TANC1: variants seen among roughly 807,000 people sequenced by gnomAD.
TANC1 encodes protein TANC1.
A neutral mutation model predicts 149.7 loss-of-function variants in TANC1; 77 were observed. The observed-to-expected ratio is 0.51, with a 90% confidence interval of 0.43 to 0.62. TANC1 has a LOEUF of 0.62. TANC1 is among the 20% of genes least tolerant of loss of function. The probability of loss-of-function intolerance (pLI) is 0.00; values close to 1 mark genes in which losing one functional copy is unlikely to be tolerated. For synonymous variants in TANC1, 854 were observed against 925.0 expected, an observed-to-expected ratio of 0.92 and a Z score of 1.39; for missense variants, 1,985 against 2,321.8, an observed-to-expected ratio of 0.85 and a Z score of 2.98.
intron 3 of TANC1, among the ~76,000 whole-genome samples, chr2:159,077,014 C>A (rs1330124991): frequency 8.1e-6 from 1 of 123,556 alleles, no homozygotes; most frequent in African/African-American, 3.0e-5. Context: ...ATTTTTTTTT[C>A]TTTTCCTAGA....
chr2:158,979,528 C>T (rs574751120), intron 1 of TANC1, among the ~76,000 whole-genome samples: 89 of 151,884 alleles, frequency 5.9e-4, no homozygotes, highest in Non-Finnish European at 9.7e-4. Context: ...AAAAACTTAC[C>T]GTTTTCATAA....
intron 1 of TANC1, among the ~76,000 whole-genome samples, chr2:158,976,722 A>G (rs781457428): frequency 6.6e-6 from 1 of 152,154 alleles, no homozygotes; most frequent in Non-Finnish European, 1.5e-5. Flanking sequence ...CTCTACTAAA[A>G]ATACAAAAAT....
At chr2:159,163,892 A>C (rs2054305801) in intron 8 of TANC1, among the ~76,000 whole-genome samples, 1 of 152,162 alleles carries the variant, frequency 6.6e-6, no homozygotes. Context: ...GGAATTGTTG[A>C]GTGAGTTTGT....
rs117893752 is a variant in TANC1, at chr2:159,232,467, C to T, written c.*1455C>T. The T allele has an allele frequency of 1.1e-3, 169 of 152,712 alleles. No homozygotes were observed. The highest frequency in any genetic ancestry group is 8.7e-3 in the East Asian group (45 of 5,192). The allele number at this position is 152,712 out of a possible 1,614,324, so 9.5% of individuals were successfully genotyped here. A position where few individuals can be genotyped will look rare whatever the true frequency, so the allele number is the denominator to read the frequency against. ...AGGAACCTCTGATGTCATTCTTCAA[C>T]GTTTGTTCCTGTGTGTACAATTGTA... On this transcript the variant is annotated 3_prime_UTR_variant, in exon 27 of 27. Transcript: ENST00000263635.
At chr2:159,167,257 C>G (rs1055604780) in intron 8 of TANC1, among the ~76,000 whole-genome samples, 1 of 152,186 alleles carries the variant, frequency 6.6e-6, no homozygotes, top group Non-Finnish European at 1.5e-5. Flanking sequence ...CTGCCTGCCC[C>G]TTCTACCTGT....
At chr2:159,126,119 A>T (rs528685560) in intron 4 of TANC1, among the ~76,000 whole-genome samples, 1 of 152,266 alleles carries the variant, frequency 6.6e-6, no homozygotes, top group African/African-American at 2.4e-5. Context: ...TTTGAAGGTC[A>T]TCTAATTAGT....
intron 15 of TANC1, 107 bp from the exon 16 acceptor site, chr2:159,186,795 C>A (rs756616600): frequency 6.9e-7 from 1 of 1,445,608 alleles, no homozygotes; most frequent in Non-Finnish European, 9.6e-7. Context: ...CAGGTATCTG[C>A]ACCCTCTGCG....
intron 19 of TANC1, among the ~76,000 whole-genome samples, chr2:159,215,266 A>T (rs2059270376): frequency 6.6e-6 from 1 of 152,178 alleles, no homozygotes; most frequent in African/African-American, 2.4e-5. Context: ...CACGGGAGAG[A>T]TGTGGCTACC....
rs1489087585 is a variant in TANC1 at position 159,178,614 on chromosome 2, A to G, written c.1961A>G (p.Lys654Arg). ...TCCTTAGATGACTTCCCAGACAACA[A>G]AGACATCCACAGTGACCTGCACGCC... The part of the protein sequence containing the change: ...KLSLDDFPDN[K>R]DIHSDLHAYV... Residue 654 changes from lysine to arginine, a missense_variant, in exon 14 of 27, where the codon AAA becomes AGA. By Grantham distance (26) the Lys-to-Arg change is conservative. Coordinates refer to ENST00000263635, the MANE Select transcript of TANC1 (RefSeq NM_033394.3). 1 of 1,609,818 alleles carries G rather than the reference A, an allele frequency of 6.2e-7. No homozygotes were observed. Among genetic ancestry groups the G allele is most frequent in the East Asian group, 2.2e-5 (1 of 44,866 alleles).
chr2:159,113,045 C>G (rs1482231284), intron 4 of TANC1, among the ~76,000 whole-genome samples: 1 of 152,138 alleles, frequency 6.6e-6, no homozygotes, highest in African/African-American at 2.4e-5. Flanking sequence ...ATCGATCCTC[C>G]CACCTCAGCC....
chr2:159,065,300 TC>T (rs766282178), intron 2 of TANC1, among the ~76,000 whole-genome samples: 11 of 152,190 alleles, frequency 7.2e-5, no homozygotes, highest in Non-Finnish European at 1.2e-4. Context: ...AGTTATAACT[TC>T]CTATATATTG....
In TANC1 at chr2:159,046,134, T is replaced by C. The variant is rs1316347954; in HGVS notation, c.-15-19762T>C. ...TTTTTTTCCCCCTTCAGTTTTCGTTTGGCAGAGAATTCACTAATTTTTCTC... is the reference window on the plus strand; with the variant it reads ...TTTTTTTCCCCCTTCAGTTTTCGTTCGGCAGAGAATTCACTAATTTTTCTC... On this transcript the variant is annotated intron_variant, in intron 2 of 26. Transcript: ENST00000263635. 3.9e-5 allele frequency among the ~76,000 whole-genome samples: 6 copies of C among 152,172 alleles called. No homozygotes were observed. In the East Asian group the frequency reaches 1.2e-3, roughly 29 times the overall value.
At chr2:158,983,668 T>C (rs1037887985) in intron 1 of TANC1, among the ~76,000 whole-genome samples, 1 of 152,068 alleles carries the variant, frequency 6.6e-6, no homozygotes, top group Non-Finnish European at 1.5e-5. Context: ...CAATACACTT[T>C]ATTTAGGTGG....
chr2:159,038,615 G>T (rs1041532046), intron 2 of TANC1, among the ~76,000 whole-genome samples: 4 of 152,062 alleles, frequency 2.6e-5, no homozygotes, highest in African/African-American at 9.7e-5. Flanking sequence ...TAATCATGTG[G>T]TTTTTGTCTT....
chr2:159,025,239 T>TTTCTCCTTCC, intron 2 of TANC1, among the ~76,000 whole-genome samples: 1 of 150,650 alleles, frequency 6.6e-6, no homozygotes, highest in African/African-American at 2.5e-5. Flanking sequence ...CTTTCTTTCT[T>TTTCTCCTTCC]TTCTCCTTCC....
At chr2:159,224,584 G>A in intron 23 of TANC1, 1 of 555,576 alleles carries the variant, frequency 1.8e-6, no homozygotes, top group Non-Finnish European at 3.2e-6. Flanking sequence ...TGGTGTTGAA[G>A]GACAGTCTGG....
intron 1 of TANC1, among the ~76,000 whole-genome samples, chr2:158,983,641 T>C (rs191899761): frequency 3.3e-5 from 5 of 152,286 alleles, no homozygotes; most frequent in African/African-American, 1.2e-4. Flanking sequence ...AATGTTTTGC[T>C]TGAGTATGGT....
chr2:159,169,961 C>G (rs1257943609), intron 9 of TANC1, among the ~76,000 whole-genome samples: 1 of 151,734 alleles, frequency 6.6e-6, no homozygotes, highest in Non-Finnish European at 1.5e-5. Flanking sequence ...CCATTGCACT[C>G]CAGCCTGGGC....
intron 2 of TANC1, among the ~76,000 whole-genome samples, chr2:159,035,100 ATTTT>A (rs959528904): frequency 2.0e-5 from 3 of 152,104 alleles, no homozygotes; most frequent in African/African-American, 7.2e-5. Flanking sequence ...GAGAAAAAAA[ATTTT>A]TTTGATGAAT....
Sources: gnomAD v4.1 joint callset for allele counts (sites outside exome capture counted in the v4.1 genomes callset) on GRCh38, gnomAD v4.1.1 for gene constraint, MANE v1.5 for transcripts, NCBI Gene and HGNC (gene_info 2026-07-23, HGNC 2026-07-21) for gene names.